The following RPL3 variants were observed in gnomAD, a reference collection of about 807,000 sequenced individuals.
The protein encoded by RPL3 is ribosomal protein L3.
In RPL3, 3 loss-of-function variants were observed where a neutral mutation model predicts 46.0. That is an observed-to-expected ratio of 0.07 (90% CI 0.03 to 0.17). The LOEUF is 0.17. RPL3 is among the 10% of genes least tolerant of loss of function. The pLI is 1.00. For synonymous variants in RPL3, 224 were observed against 190.8 expected (o/e 1.17, Z -1.43); for missense variants, 387 against 532.7 (o/e 0.73, Z 2.69).
intron 1 of RPL3, 111 bp downstream of exon 1, chr22:39,319,484 G>A: frequency 6.3e-6 from 9 of 1,427,680 alleles, no homozygotes; most frequent in South Asian, 1.2e-5. Context: ...GGTCGCCCGT[G>A]CCCCTAAAGC....
At chr22:39,319,452 G>T in intron 1 of RPL3, 143 bp downstream of exon 1, 1 of 1,152,816 alleles carries the variant, frequency 8.7e-7, no homozygotes, top group East Asian at 2.6e-5. Flanking sequence ...CCAGAAAATA[G>T]GCCAGACTGA....
At chr22:39,317,425 C>A (rs1360517409) in intron 3 of RPL3, 36 bp downstream of exon 3, 1 of 1,597,754 alleles carries the variant, frequency 6.3e-7, no homozygotes, top group Non-Finnish European at 8.6e-7. Context: ...AGCTCCCAAG[C>A]TCCCAAGCTA....
Position 39,313,739 on chromosome 22 carries a change from G to C in RPL3, c.952-10C>G, listed in dbSNP as rs748071586. On this transcript the variant is annotated splice_polypyrimidine_tract_variant and intron_variant, in intron 7 of 9. Transcript: ENST00000216146. ...AGTGGACAAAGCCACCCTGGAAAACGAGCATCGGATCAGCACAGGCCCAGG... is the reference window on the plus strand; with the variant it reads ...AGTGGACAAAGCCACCCTGGAAAACCAGCATCGGATCAGCACAGGCCCAGG... 1.2e-6 allele frequency: 2 copies of C among 1,613,140 alleles called. No homozygotes were observed. The highest frequency in any genetic ancestry group is 3.3e-5 in the Admixed American group (2 of 60,008).
chr22:39,317,666 C>T, intron 2 of RPL3, 37 bp from the exon 3 acceptor site: 3 of 1,606,924 alleles, frequency 1.9e-6, no homozygotes, highest in Non-Finnish European at 2.6e-6. Flanking sequence ...TTGGCAGGAG[C>T]CCAAGCAAGG....
At chr22:39,319,396 G>T in intron 1 of RPL3, 199 bp downstream of exon 1, 1 of 715,636 alleles carries the variant, frequency 1.4e-6, no homozygotes, top group Non-Finnish European at 2.3e-6. Flanking sequence ...CGACCTGCAG[G>T]CCCAAAGCCA....
chr22:39,319,476 T>C (rs538436245), intron 1 of RPL3, 119 bp downstream of exon 1: 3 of 1,363,734 alleles, frequency 2.2e-6, no homozygotes, highest in Admixed American at 4.1e-5. Context: ...CCCCGCTGGG[T>C]CGCCCGTGCC....
Position 39,312,999 on chromosome 22 carries a change from G to T in RPL3, c.1168-15C>A. 1 of 1,614,038 alleles carries T rather than the reference G, an allele frequency of 6.2e-7. No individual in the cohort carries two copies. Among genetic ancestry groups the T allele is most frequent in the Non-Finnish European group, 8.5e-7 (1 of 1,179,952 alleles). On this transcript the variant is annotated splice_polypyrimidine_tract_variant and intron_variant, in intron 9 of 9. Transcript: ENST00000216146. ...TTCAGTGGTCCCTGTGGGGAGAGAG[G>T]CAGTGGTCAGAGGTAGAAGATGACA...
At chr22:39,319,417 C>T (rs371787241) in intron 1 of RPL3, 178 bp downstream of exon 1, 4 of 833,364 alleles carry the variant, frequency 4.8e-6, no homozygotes, top group Admixed American at 2.4e-5. Flanking sequence ...GTCCTCCAAG[C>T]GCTCTTCACA....
At chr22:39,317,091 C>G (rs1922748103) in intron 3 of RPL3, 5 of 635,522 alleles carry the variant, frequency 7.9e-6, no homozygotes. Flanking sequence ...CGGGACAAAC[C>G]TTTCTGCCCT....
At chr22:39,316,928 C>T (rs777731289) in intron 3 of RPL3, 87 bp from the exon 4 acceptor site, 5 of 1,601,512 alleles carry the variant, frequency 3.1e-6, no homozygotes, top group South Asian at 1.1e-5. Flanking sequence ...ACACTGGCAC[C>T]GCGTGGGGAT....
At chr22:39,318,278 G>A in intron 2 of RPL3, 122 bp downstream of exon 2, 1 of 961,580 alleles carries the variant, frequency 1.0e-6, no homozygotes, top group South Asian at 1.6e-5. Flanking sequence ...CAGCAGTTCT[G>A]ACAACGTGTA....
chr22:39,318,569 G>A lies in RPL3; in HGVS notation c.27C>T (p.Pro9=). The part of the protein sequence containing the change: MSHRKFSA[P]RHGSLGFLPR... ...GCAGGAAGCCGAGGGACCCATGTCTGGGAGCGGAGAACTTTCTGTGAGACT... is the reference window on the plus strand; with the variant it reads ...GCAGGAAGCCGAGGGACCCATGTCTAGGAGCGGAGAACTTTCTGTGAGACT... The change falls in exon 2 of 10, where the codon CCC becomes CCT. Residue 9 remains proline, a synonymous_variant. Coordinates refer to ENST00000216146, the MANE Select transcript of RPL3 (RefSeq NM_000967.4). 6.2e-7 allele frequency: 1 copy of A among 1,611,560 alleles called. No individual in the cohort carries two copies. The highest frequency in any genetic ancestry group is 8.5e-7 in the Non-Finnish European group (1 of 1,178,946).
At chr22:39,314,651 T>C (rs754136501) in intron 6 of RPL3, 35 bp downstream of exon 6, 4 of 1,590,850 alleles carry the variant, frequency 2.5e-6, no homozygotes, top group Non-Finnish European at 2.6e-6. Flanking sequence ...CGGGGGCCTC[T>C]TCCCACCCCC....
Position 39,313,549 on chromosome 22 carries a change from C to T in RPL3, c.1047+85G>A, listed in dbSNP as rs1413377360. 10 of 1,388,462 alleles carry T rather than the reference C, an allele frequency of 7.2e-6. No homozygotes were observed. The East Asian group carries it at 1.8e-4, about 25-fold the overall frequency. 86.0% of individuals were successfully genotyped at this position (1,388,462 alleles called of 1,614,324 possible). Reference sequence around the variant, plus strand: ...GCCAACACCCTCTCCTTCCTTTCCTCTCCCACCACAGGGCCACCAGCGTCT... The same window carrying T: ...GCCAACACCCTCTCCTTCCTTTCCTTTCCCACCACAGGGCCACCAGCGTCT... On this transcript the variant is annotated intron_variant, in intron 8 of 9. Coordinates refer to ENST00000216146, the MANE Select transcript of RPL3 (RefSeq NM_000967.4).
intron 2 of RPL3, 173 bp from the exon 3 acceptor site, chr22:39,317,802 T>A (rs1277560467): frequency 3.0e-6 from 2 of 663,606 alleles, no homozygotes; most frequent in African/African-American, 1.8e-5. Flanking sequence ...AGCACATTTA[T>A]GTTATTCAAA....
rs1246753653 is a variant in RPL3, at chr22:39,313,640, G to A, written c.1041C>T (p.Leu347=). The A allele has an allele frequency of 6.2e-7, 1 of 1,613,594 alleles. No homozygotes were observed. The highest frequency in any genetic ancestry group is 8.5e-7 in the Non-Finnish European group (1 of 1,179,970). Residue 347 remains leucine, a synonymous_variant, in exon 8 of 10, where the codon CTC becomes CTT. Coordinates refer to ENST00000216146, the MANE Select transcript of RPL3 (RefSeq NM_000967.4). ...AAGTCAGGACCTGCCTCACCTTGCG[G>A]AGGGTGAGCACCCGCTTCTTGGTTC... ...VVGTKKRVLT[L]RKSLLVQTKR... is the part of the protein sequence containing the mutation.
intron 1 of RPL3, 93 bp downstream of exon 1, chr22:39,319,502 C>T (rs1035852720): frequency 2.6e-6 from 4 of 1,528,022 alleles, no homozygotes; most frequent in Non-Finnish European, 3.6e-6. Context: ...AGCAAACCCC[C>T]GGCGCCGGCC....
chr22:39,315,629 C>A (rs1016833750), intron 4 of RPL3, 74 bp from the exon 5 acceptor site: 32 of 1,553,924 alleles, frequency 2.1e-5, no homozygotes, highest in Middle Eastern at 1.7e-4. Flanking sequence ...CAGCTCCATG[C>A]GGCCTGATTG....
intron 2 of RPL3, 192 bp from the exon 3 acceptor site, chr22:39,317,821 A>G: frequency 1.7e-6 from 1 of 600,446 alleles, no homozygotes; most frequent in South Asian, 2.2e-5. Context: ...AACAAAAAAT[A>G]TCAGGACCCT....
Sources: gnomAD v4.1 joint callset for allele counts on GRCh38, gnomAD v4.1.1 for gene constraint, MANE v1.5 for transcripts, NCBI Gene and HGNC (gene_info 2026-07-23, HGNC 2026-07-21) for gene names.